Variants in OR10K1 observed in about 807,000 individuals in gnomAD.
The protein encoded by OR10K1 is olfactory receptor family 10 subfamily K member 1, also known as olfactory receptor 10K1.
For missense variants in OR10K1, 404 were observed against 373.3 expected (o/e 1.08, Z -0.68); for synonymous variants, 186 against 152.5 (o/e 1.22, Z -1.62).
In OR10K1 at chr1:158,466,883, G is replaced by GA. The variant is rs914097160; in HGVS notation, c.*390dup. ...CAAAAAAAAAAAAAGAAAGAAAAAA[G>GA]AAAAAAAAAAGGAAAACAGCAGGAA... On this transcript the variant is annotated 3_prime_UTR_variant, in exon 2 of 2. Transcript: ENST00000641535. 1.0e-3 allele frequency: 146 copies of GA among 140,394 alleles called. 1 individual carries two copies. In the Middle Eastern group the frequency reaches 0.014, roughly 14 times the overall value. The allele number at this position is 140,394 out of a possible 1,614,324, so 8.7% of individuals were successfully genotyped here. A position where few individuals can be genotyped will look rare whatever the true frequency, so the allele number is the denominator to read the frequency against.
At chr1:158,464,389 G>T (rs748187696) in intron 1 of OR10K1, among the ~76,000 whole-genome samples, 1 of 152,118 alleles carries the variant, frequency 6.6e-6, no homozygotes, top group South Asian at 2.1e-4. Context: ...CAAAGCCTAT[G>T]GTTTACAGCA....
chr1:158,465,783 C>G lies in OR10K1; in HGVS notation c.222C>G (p.Thr74=), dbSNP rs76205582. ...TTTCTTGCTCTGAGATTTGCTATAC[C>G]TTTGTCATTGTACCCAAGATGCTGG... ...AILSCSEICY[T]FVIVPKMLVD... The change falls in exon 2 of 2, where the codon ACC becomes ACG. Residue 74 remains threonine (T), a synonymous_variant. Transcript: ENST00000641535. 11,172 of 1,614,150 alleles carry G rather than the reference C, an allele frequency of 6.9e-3. 571 individuals carry two copies. The African/African-American group carries it at 0.12, about 18-fold the overall frequency.
Position 158,465,539 on chromosome 1 carries a change from T to G in OR10K1, c.-23T>G, listed in dbSNP as rs765773716. On this transcript the variant is annotated 5_prime_UTR_variant, in exon 2 of 2. Coordinates refer to ENST00000641535, the MANE Select transcript of OR10K1 (RefSeq NM_001004473.2). ...CCTGGTTTCTACCTCTGTCCCTGAC[T>G]CTCCTTTATAGAAGTGCTCTCCATG... 9 of 1,588,080 alleles carry G rather than the reference T, an allele frequency of 5.7e-6. No individual in the cohort carries two copies. The highest frequency in any genetic ancestry group is 7.8e-6 in the Non-Finnish European group (9 of 1,159,324).
At position 158,466,708 on chromosome 1, in the gene OR10K1, C is replaced by A; in HGVS notation, c.*205C>A. ...AGACTAATCAGATATGGGAACAGAG[C>A]ACACAGTTCCATAACAAATTTAATT... On this transcript the variant is annotated 3_prime_UTR_variant, in exon 2 of 2. Transcript: ENST00000641535. 1.8e-6 allele frequency: 1 copy of A among 562,636 alleles called. No homozygotes were observed. 34.9% of individuals were successfully genotyped at this position (562,636 alleles called of 1,614,324 possible).
In OR10K1 at chr1:158,466,547, G is replaced by A; in HGVS notation, c.*44G>A. 8.4e-7 allele frequency: 1 copy of A among 1,194,930 alleles called. No homozygotes were observed. Among genetic ancestry groups the A allele is most frequent in the Non-Finnish European group, 1.2e-6 (1 of 820,256 alleles). 74.0% of individuals were successfully genotyped at this position (1,194,930 alleles called of 1,614,324 possible). The stretch of plus-strand genomic sequence containing the variant: ...ACTAATGCCTAGTACATGCCAGGCA[G>A]AACGTGTGTTTTATACATTTTTTTT... On this transcript the variant is annotated 3_prime_UTR_variant, in exon 2 of 2. Transcript: ENST00000641535.
Position 158,466,032 on chromosome 1 carries a change from G to C in OR10K1, c.471G>C (p.Leu157=). ...GTGCCTGTGGCTTCACTGTCTCCCT[G>C]GTCACCACCTCCCTAGTATTTCATC... ...AACACGFTVS[L]VTTSLVFHLP... is the part of the protein sequence containing the mutation. Residue 157 remains leucine, a synonymous_variant, in exon 2 of 2, where the codon CTG becomes CTC. Transcript: ENST00000641535. The C allele has an allele frequency of 6.2e-7, 1 of 1,613,890 alleles. No homozygotes were observed. Among genetic ancestry groups the C allele is most frequent in the South Asian group, 1.1e-5 (1 of 91,074 alleles).
rs374448229 is a variant in OR10K1, at chr1:158,465,549, A to G, written c.-13A>G. On this transcript the variant is annotated 5_prime_UTR_variant, in exon 2 of 2. The change creates a new upstream start codon in the 5' untranslated region. Transcript: ENST00000641535. ...ACCTCTGTCCCTGACTCTCCTTTAT[A>G]GAAGTGCTCTCCATGGAGCAAGTCA... is the stretch of plus-strand genomic sequence containing the variant. The G allele has an allele frequency of 9.3e-6, 15 of 1,605,500 alleles. No homozygotes were observed. The South Asian group carries it at 1.5e-4, about 17-fold the overall frequency.
In OR10K1 at chr1:158,466,412, T is replaced by C. The variant is rs769734569; in HGVS notation, c.851T>C (p.Leu284Ser). ...ISVSYTILTP[L>S]FNPMIYSLRN... ...GTGTCATACACCATCCTTACCCCAT[T>C]GTTCAATCCAATGATTTATAGTCTG... The change falls in exon 2 of 2, where the codon TTG becomes TCG. Residue 284 changes from leucine (L) to serine (S), a missense_variant. Coordinates refer to ENST00000641535, the MANE Select transcript of OR10K1 (RefSeq NM_001004473.2). The C allele has an allele frequency of 1.2e-6, 2 of 1,613,942 alleles. No individual in the cohort carries two copies. Among genetic ancestry groups the C allele is most frequent in the South Asian group, 1.1e-5 (1 of 91,050 alleles).
In OR10K1 at chr1:158,466,334, T is replaced by C. The variant is rs759782665; in HGVS notation, c.773T>C (p.Ile258Thr). 12 of 1,614,118 alleles carry C rather than the reference T, an allele frequency of 7.4e-6. No individual in the cohort carries two copies. In the Admixed American group the frequency reaches 1.7e-4, roughly 22 times the overall value. The change falls in exon 2 of 2, where the codon ATC becomes ACC. Residue 258 changes from isoleucine to threonine, a missense_variant. Coordinates refer to ENST00000641535, the MANE Select transcript of OR10K1 (RefSeq NM_001004473.2). Reference protein sequence around the residue: ...VTVHYSCASFIYLRPKTNYTS... With the variant: ...VTVHYSCASFTYLRPKTNYTS... Reference sequence around the variant, plus strand: ...GTTCACTACAGTTGTGCCTCTTTCATCTACTTAAGGCCCAAGACTAATTAC... The same window carrying C: ...GTTCACTACAGTTGTGCCTCTTTCACCTACTTAAGGCCCAAGACTAATTAC...
intron 1 of OR10K1, among the ~76,000 whole-genome samples, chr1:158,463,734 G>A (rs960061883): frequency 2.6e-5 from 4 of 152,170 alleles, no homozygotes; most frequent in African/African-American, 4.8e-5. Context: ...GTTTTGAATA[G>A]ACAGGAAATC....
At position 158,466,304 on chromosome 1, in the gene OR10K1, T is replaced by G. The variant is rs771588235; in HGVS notation, c.743T>G (p.Val248Gly). The stretch of plus-strand genomic sequence containing the variant: ...ACCTGTGCCTCCCATCTCATTGTGG[T>G]AACTGTTCACTACAGTTGTGCCTCT... ...FSTCASHLIV[V>G]TVHYSCASFI... Residue 248 changes from valine (V) to glycine (G), a missense_variant, in exon 2 of 2, where the codon GTA (valine) becomes GGA (glycine). Physicochemically the swap from Val to Gly is moderately radical, Grantham distance 109. Transcript: ENST00000641535. 22 of 1,614,040 alleles carry G rather than the reference T, an allele frequency of 1.4e-5. No homozygotes were observed. The African/African-American group carries it at 2.3e-4, about 17-fold the overall frequency.
chr1:158,462,623 T>C (rs989774040), intron 1 of OR10K1, among the ~76,000 whole-genome samples: 3 of 152,240 alleles, frequency 2.0e-5, no homozygotes, highest in Non-Finnish European at 4.4e-5. Context: ...TAAAGATTTT[T>C]ATTTGTATCT....
rs1656042233 is a variant in OR10K1, at chr1:158,466,395, C to T, written c.834C>T (p.Tyr278=). The T allele has an allele frequency of 6.2e-7, 1 of 1,613,490 alleles. No homozygotes were observed. Among genetic ancestry groups the T allele is most frequent in the African/African-American group, 1.3e-5 (1 of 75,030 alleles). Residue 278 remains tyrosine (Y), a synonymous_variant, in exon 2 of 2, where the codon TAC becomes TAT. Transcript: ENST00000641535. ...AAGACACCCTAATATCTGTGTCATA[C>T]ACCATCCTTACCCCATTGTTCAATC... ...SSQDTLISVS[Y]TILTPLFNPM...
chr1:158,464,940 C>T (rs947778958), intron 1 of OR10K1, among the ~76,000 whole-genome samples: 1 of 152,204 alleles, frequency 6.6e-6, no homozygotes, highest in African/African-American at 2.4e-5. Context: ...TGAGCCACCA[C>T]ATCTGGCTAA....
At position 158,466,440 on chromosome 1, in the gene OR10K1, A is replaced by C; in HGVS notation, c.879A>C (p.Arg293Ser). The C allele has an allele frequency of 6.2e-7, 1 of 1,614,054 alleles. No individual in the cohort carries two copies. The highest frequency in any genetic ancestry group is 8.5e-7 in the Non-Finnish European group (1 of 1,179,962). ...PLFNPMIYSL[R>S]NKEFKSALRR... Reference sequence around the variant, plus strand: ...TCAATCCAATGATTTATAGTCTGAGAAATAAGGAATTCAAATCAGCCCTAC... The same window carrying C: ...TCAATCCAATGATTTATAGTCTGAGCAATAAGGAATTCAAATCAGCCCTAC... The change falls in exon 2 of 2, where the codon AGA becomes AGC. Residue 293 changes from arginine (R) to serine (S), a missense_variant. Transcript: ENST00000641535.
In OR10K1 at chr1:158,464,856, C is replaced by T. The variant is rs367656490; in HGVS notation, c.-156-550C>T. ...TAAAGACCAGGTTTTGCCATGTTGC[C>T]GAGGCTGGTCTTGAACCCCTGGCCT... On this transcript the variant is annotated intron_variant, in intron 1 of 1. Coordinates refer to ENST00000641535, the MANE Select transcript of OR10K1 (RefSeq NM_001004473.2). Among the ~76,000 whole-genome samples, 344 of 152,096 alleles carry T rather than the reference C, an allele frequency of 2.3e-3. 14 individuals carry two copies. The South Asian group carries it at 0.067, about 30-fold the overall frequency.
In OR10K1 at chr1:158,466,401, C is replaced by T. The variant is rs377447821; in HGVS notation, c.840C>T (p.Ile280=). ...QDTLISVSYT[I]LTPLFNPMIY... is the part of the protein sequence containing the mutation. ...CCCTAATATCTGTGTCATACACCAT[C>T]CTTACCCCATTGTTCAATCCAATGA... Residue 280 remains isoleucine, a synonymous_variant, in exon 2 of 2, where the codon ATC becomes ATT. Transcript: ENST00000641535. 1.9e-6 allele frequency: 3 copies of T among 1,613,700 alleles called. No individual in the cohort carries two copies. Among genetic ancestry groups the T allele is most frequent in the East Asian group, 4.5e-5 (2 of 44,878 alleles).
chr1:158,467,352 C>T lies in OR10K1; in HGVS notation c.*849C>T, dbSNP rs998366645. On this transcript the variant is annotated 3_prime_UTR_variant, in exon 2 of 2. Transcript: ENST00000641535. ...CTACAAGATAATGCCAAGGGTCCTT[C>T]ATTGTCATGAATCTATCATCTAGTT... 6.6e-6 allele frequency: 1 copy of T among 152,172 alleles called. No individual in the cohort carries two copies. The highest frequency in any genetic ancestry group is 6.6e-5 in the Admixed American group (1 of 15,262). The allele number at this position is 152,172 out of a possible 1,614,324, so 9.4% of individuals were successfully genotyped here.
rs770666669 is a variant in OR10K1 at position 158,466,554 on chromosome 1, T to G, written c.*51T>G. On this transcript the variant is annotated 3_prime_UTR_variant, in exon 2 of 2. Coordinates refer to ENST00000641535, the MANE Select transcript of OR10K1 (RefSeq NM_001004473.2). ...CCTAGTACATGCCAGGCAGAACGTG[T>G]GTTTTATACATTTTTTTTCATTTAA... 55 of 1,110,268 alleles carry G rather than the reference T, an allele frequency of 5.0e-5. No homozygotes were observed. The East Asian group carries it at 8.2e-4, about 16-fold the overall frequency. The allele number at this position is 1,110,268 out of a possible 1,614,324, so 68.8% of individuals were successfully genotyped here.
Sources: gnomAD v4.1 joint callset for allele counts (sites outside exome capture counted in the v4.1 genomes callset) on GRCh38, gnomAD v4.1.1 for gene constraint, MANE v1.5 for transcripts, NCBI Gene and HGNC (gene_info 2026-07-23, HGNC 2026-07-21) for gene names.